DPP10: variants seen among roughly 807,000 people sequenced by gnomAD.
DPP10 encodes the protein dipeptidyl peptidase like 10.
DPP10 carries 33 observed loss-of-function variants against 120.9 expected under a neutral mutation model. That is an observed-to-expected ratio of 0.27 (90% CI 0.21 to 0.37). The LOEUF (loss-of-function observed/expected upper bound fraction) is 0.37, where lower values mean the gene tolerates loss of function less well. Among genes scored for constraint, DPP10 ranks in the 10% least tolerant of loss-of-function variants. The probability of loss-of-function intolerance (pLI) is 1.00; values close to 1 mark genes in which losing one functional copy is unlikely to be tolerated. For synonymous variants in DPP10, 337 were observed against 326.1 expected (o/e 1.03, Z -0.36); for missense variants, 816 against 942.8 (o/e 0.87, Z 1.76).
intron 1 of DPP10, among the ~76,000 whole-genome samples, chr2:114,935,670 G>A (rs547263490): frequency 1.3e-4 from 19 of 145,700 alleles, no homozygotes; most frequent in East Asian, 6.2e-4. Context: ...TGATCCTTTC[G>A]GTTATTTGCT....
At chr2:115,484,356 G>T (rs2075637681) in intron 3 of DPP10, among the ~76,000 whole-genome samples, 1 of 151,736 alleles carries the variant, frequency 6.6e-6, no homozygotes, top group South Asian at 2.1e-4. Context: ...AGCCAACTTT[G>T]ATCATTTTCT....
chr2:115,683,841 AT>A (rs1188765566), intron 5 of DPP10, among the ~76,000 whole-genome samples: 1 of 151,834 alleles, frequency 6.6e-6, no homozygotes, highest in Admixed American at 6.6e-5. Context: ...TCATGCTTGC[AT>A]TTTTTTCTTT....
intron 1 of DPP10, among the ~76,000 whole-genome samples, chr2:115,167,331 A>C (rs897437632): frequency 2.0e-5 from 3 of 151,874 alleles, no homozygotes; most frequent in Non-Finnish European, 4.4e-5. Context: ...GGAGGCTGAG[A>C]TAGATGGATT....
At chr2:114,545,845 C>T (rs1434287505) in intron 1 of DPP10, among the ~76,000 whole-genome samples, 1 of 152,186 alleles carries the variant, frequency 6.6e-6, no homozygotes, top group Non-Finnish European at 1.5e-5. Flanking sequence ...CTTTATACCG[C>T]AACCCATGGA....
At chr2:114,505,051 CAA>C (rs3061538) in intron 1 of DPP10, among the ~76,000 whole-genome samples, 647 of 44,810 alleles carry the variant, frequency 0.014, no homozygotes, top group South Asian at 0.029. Flanking sequence ...GACTCTGTCT[CAA>C]AAAAAAAAAA....
intron 1 of DPP10, among the ~76,000 whole-genome samples, chr2:114,531,489 C>T (rs1363549241): frequency 1.3e-5 from 2 of 149,654 alleles, no homozygotes. Context: ...GTATATATCT[C>T]TCCCTATATA....
intron 7 of DPP10, among the ~76,000 whole-genome samples, chr2:115,705,901 A>AC (rs886362641): frequency 7.9e-5 from 12 of 151,968 alleles, no homozygotes; most frequent in Admixed American, 5.3e-4. Context: ...GAAAATCAAT[A>AC]CCAAGCAGCT....
intron 5 of DPP10, among the ~76,000 whole-genome samples, chr2:115,683,178 T>C (rs1356405053): frequency 6.6e-6 from 1 of 151,934 alleles, no homozygotes; most frequent in Non-Finnish European, 1.5e-5. Flanking sequence ...AGATGAACTA[T>C]CAAGGCATGA....
intron 5 of DPP10, among the ~76,000 whole-genome samples, chr2:115,561,813 G>A (rs1352082861): frequency 6.6e-6 from 1 of 152,036 alleles, no homozygotes; most frequent in African/African-American, 2.4e-5. Context: ...TATATTTGGG[G>A]GTTTAAATAA....
chr2:115,499,442 T>G, intron 3 of DPP10, 68 bp from the exon 4 acceptor site: 1 of 1,279,698 alleles, frequency 7.8e-7, no homozygotes, highest in South Asian at 1.3e-5. Flanking sequence ...TTGCACGTTT[T>G]CTCCCCTACA....
At chr2:114,874,904 C>A (rs1691023691) in intron 1 of DPP10, among the ~76,000 whole-genome samples, 1 of 152,142 alleles carries the variant, frequency 6.6e-6, no homozygotes, top group Non-Finnish European at 1.5e-5. Flanking sequence ...TTCCTAACAT[C>A]TCCCTTATAC....
intron 1 of DPP10, among the ~76,000 whole-genome samples, chr2:114,520,027 C>T (rs1684924557): frequency 6.6e-6 from 1 of 152,188 alleles, no homozygotes; most frequent in Non-Finnish European, 1.5e-5. Flanking sequence ...GAAAATTCTA[C>T]TGAAACAACT....
intron 3 of DPP10, among the ~76,000 whole-genome samples, chr2:115,444,039 C>T (rs2072332933): frequency 6.6e-6 from 1 of 152,140 alleles, no homozygotes; most frequent in Non-Finnish European, 1.5e-5. Context: ...CCCACATTGC[C>T]CCAGGCAATA....
chr2:115,813,042 C>T (rs963322131), intron 19 of DPP10, among the ~76,000 whole-genome samples: 1 of 122,472 alleles, frequency 8.2e-6, no homozygotes, highest in East Asian at 2.5e-4. Context: ...ACTGCAGTGG[C>T]GCAATCTCGG....
chr2:115,242,144 C>T (rs2105578123), intron 1 of DPP10, among the ~76,000 whole-genome samples: 1 of 152,168 alleles, frequency 6.6e-6, no homozygotes, highest in South Asian at 2.1e-4. Flanking sequence ...CGTTTTATCC[C>T]TCATGCTCTT....
chr2:115,266,075 TGAG>T (rs983252409), intron 1 of DPP10, among the ~76,000 whole-genome samples: 23 of 152,104 alleles, frequency 1.5e-4, no homozygotes, highest in African/African-American at 1.7e-4. Context: ...TATATTAACA[TGAG>T]GAGGTAATTT....
chr2:115,441,149 G>T (rs866949144), intron 3 of DPP10, among the ~76,000 whole-genome samples: 5 of 152,050 alleles, frequency 3.3e-5, no homozygotes, highest in Admixed American at 2.6e-4. Context: ...AACGTCAGAA[G>T]ATTTTGAGGT....
chr2:115,754,628 A>T (rs546579413), intron 11 of DPP10, among the ~76,000 whole-genome samples: 1 of 152,254 alleles, frequency 6.6e-6, no homozygotes, highest in Admixed American at 6.6e-5. Context: ...TACATTTTTA[A>T]AGGGGAAATT....
chr2:115,557,977 C>G (rs956924480), intron 5 of DPP10, among the ~76,000 whole-genome samples: 1 of 152,152 alleles, frequency 6.6e-6, no homozygotes, highest in Non-Finnish European at 1.5e-5. Flanking sequence ...AGGTGTTGTT[C>G]TTTCCTTATC....
Sources: allele counts gnomAD v4.1 joint callset (sites outside exome capture counted in the v4.1 genomes callset), GRCh38; gene constraint gnomAD v4.1.1; transcripts MANE v1.5; gene names NCBI Gene and HGNC (gene_info 2026-07-23, HGNC 2026-07-21).